Variants in ZC3H12B observed in about 807,000 individuals in gnomAD.
ZC3H12B encodes zinc finger CCCH-type containing 12B.
A neutral mutation model predicts 43.9 loss-of-function variants in ZC3H12B; 7 were observed. That is an observed-to-expected ratio of 0.16 (90% confidence interval 0.09 to 0.30). The LOEUF (loss-of-function observed/expected upper bound fraction) is 0.30. ZC3H12B is among the 10% of genes least tolerant of loss of function. ZC3H12B has a pLI of 1.00. For synonymous variants in ZC3H12B, 222 were observed against 241.7 expected (o/e 0.92, Z 0.76); for missense variants, 475 against 670.2 (o/e 0.71, Z 3.22).
exon 5 of ZC3H12B, chrX:65,502,633 G>T (rs1331585190): frequency 1.7e-6 from 2 of 1,209,806 alleles, no homozygotes; most frequent in East Asian, 3.0e-5. Flanking sequence ...ATGGCCCAGA[G>T]GATTCTAAGC....
At chrX:65,074,858 G>T in the ZC3H12B span, among the ~76,000 whole-genome samples, 1 of 111,873 alleles carries the variant, frequency 8.9e-6, no homozygotes, top group African/African-American at 3.2e-5. Context: ...TTTTATTTAT[G>T]TATCCTATTG....
chrX:65,211,834 T>C, the ZC3H12B span, among the ~76,000 whole-genome samples: 2 of 80,438 alleles, frequency 2.5e-5, no homozygotes, highest in African/African-American at 5.0e-5. Flanking sequence ...ATGTATACTA[T>C]ATAATATATA....
intron 3 of ZC3H12B, among the ~76,000 whole-genome samples, chrX:65,441,167 G>C (rs968600369): frequency 1.8e-5 from 2 of 111,860 alleles, no homozygotes; most frequent in African/African-American, 6.5e-5. Flanking sequence ...TCCCATTGCG[G>C]TAATAAATCT....
chrX:65,193,738 T>G, the ZC3H12B span, among the ~76,000 whole-genome samples: 2 of 112,414 alleles, frequency 1.8e-5, no homozygotes, highest in Admixed American at 9.4e-5. Context: ...TTTGAAATTT[T>G]TCTACTTTTT....
At chrX:65,244,727 CAAAAAAAA>C in the ZC3H12B span, among the ~76,000 whole-genome samples, 82 of 20,362 alleles carry the variant, frequency 4.0e-3, 1 homozygote, top group South Asian at 0.047. Context: ...AATACCTTGC[CAAAAAAAA>C]AAAAAAAAAA....
At chrX:65,296,486 C>CA in the ZC3H12B span, among the ~76,000 whole-genome samples, 1 of 110,372 alleles carries the variant, frequency 9.1e-6, no homozygotes, top group Non-Finnish European at 1.9e-5. Flanking sequence ...CATATGTTCC[C>CA]AAAAAACTTA....
chrX:65,054,893 G>C, the ZC3H12B span, among the ~76,000 whole-genome samples: 2 of 111,356 alleles, frequency 1.8e-5, no homozygotes, highest in African/African-American at 6.5e-5. Context: ...CTGTTTGTCT[G>C]TTATTGATGT....
At chrX:65,141,102 G>T in the ZC3H12B span, among the ~76,000 whole-genome samples, 1 of 110,124 alleles carries the variant, frequency 9.1e-6, no homozygotes, top group Non-Finnish European at 1.9e-5. Context: ...TCTACAATGG[G>T]TTTTTTAAAT....
chrX:65,122,793 A>G, the ZC3H12B span, among the ~76,000 whole-genome samples: 1 of 111,630 alleles, frequency 9.0e-6, no homozygotes, highest in Non-Finnish European at 1.9e-5. Flanking sequence ...AAAGAAGGCC[A>G]TTACATAATG....
intron 3 of ZC3H12B, among the ~76,000 whole-genome samples, chrX:65,420,174 G>A (rs2067002642): frequency 9.0e-6 from 1 of 111,367 alleles, no homozygotes. Flanking sequence ...CCACATTTGA[G>A]TCTGCCCTGG....
At chrX:65,129,253 A>T in the ZC3H12B span, among the ~76,000 whole-genome samples, 19 of 89,115 alleles carry the variant, frequency 2.1e-4, no homozygotes, top group African/African-American at 1.3e-3. Context: ...ATGTGTGTAT[A>T]TATGTATATA....
At chrX:65,436,340 G>A (rs779027061) in intron 3 of ZC3H12B, among the ~76,000 whole-genome samples, 11 of 112,203 alleles carry the variant, frequency 9.8e-5, no homozygotes, top group African/African-American at 2.9e-4. Flanking sequence ...AAACCACAAG[G>A]CCCAATGTCC....
the ZC3H12B span, among the ~76,000 whole-genome samples, chrX:65,317,127 G>A: frequency 2.7e-5 from 3 of 110,656 alleles, no homozygotes; most frequent in Non-Finnish European, 5.7e-5. Context: ...CATCACAGGA[G>A]CACCCAGATT....
the ZC3H12B span, among the ~76,000 whole-genome samples, chrX:65,247,775 A>T: frequency 7.3e-4 from 81 of 111,592 alleles, no homozygotes; most frequent in African/African-American, 2.5e-3. Context: ...ATAGCTGATG[A>T]ATGCTAGGCT....
the ZC3H12B span, among the ~76,000 whole-genome samples, chrX:65,301,976 A>AT: frequency 1.1e-4 from 12 of 111,288 alleles, no homozygotes; most frequent in Admixed American, 1.1e-3. Flanking sequence ...TCCATTTATG[A>AT]TTTAAAAAAA....
At chrX:65,137,898 G>A in the ZC3H12B span, among the ~76,000 whole-genome samples, 1 of 112,174 alleles carries the variant, frequency 8.9e-6, no homozygotes, top group African/African-American at 3.2e-5. Flanking sequence ...GCATGATCTC[G>A]GCCCACTGCA....
At chrX:65,490,713 C>G (rs953653000) in intron 1 of ZC3H12B, among the ~76,000 whole-genome samples, 2 of 111,237 alleles carry the variant, frequency 1.8e-5, no homozygotes, top group Non-Finnish European at 3.8e-5. Context: ...TGTAATCCAG[C>G]CTTGGTTTAA....
chrX:65,292,921 CTGTAATG>C, the ZC3H12B span, among the ~76,000 whole-genome samples: 1 of 111,847 alleles, frequency 8.9e-6, no homozygotes, highest in Non-Finnish European at 1.9e-5. Context: ...ACAGTCAAAA[CTGTAATG>C]AGCCATGACT....
the ZC3H12B span, among the ~76,000 whole-genome samples, chrX:65,172,177 T>A: frequency 1.8e-5 from 2 of 112,704 alleles, no homozygotes; most frequent in African/African-American, 6.4e-5. Flanking sequence ...TGCATTTCTA[T>A]AATGACCAGT....
Sources: gnomAD v4.1 joint callset for allele counts (sites outside exome capture counted in the v4.1 genomes callset) on GRCh38, gnomAD v4.1.1 for gene constraint, MANE v1.5 for transcripts, NCBI Gene and HGNC (gene_info 2026-07-23, HGNC 2026-07-21) for gene names.